ZRANB1: variants seen among roughly 807,000 people sequenced by gnomAD.
ZRANB1 encodes the protein ubiquitin thioesterase ZRANB1.
ZRANB1 carries 16 observed loss-of-function variants against 80.5 expected under a neutral mutation model. The observed-to-expected ratio is 0.20, with a 90% CI of 0.13 to 0.30. ZRANB1 has a LOEUF of 0.30. ZRANB1 is among the 10% of genes least tolerant of loss of function. ZRANB1 has a pLI of 1.00. For missense variants in ZRANB1, 576 were observed against 862.6 expected (o/e 0.67, Z 4.16); for synonymous variants, 291 against 293.1 (o/e 0.99, Z 0.07).
intron 1 of ZRANB1, among the ~76,000 whole-genome samples, chr10:124,951,441 A>C (rs1219047686): frequency 6.6e-6 from 1 of 152,242 alleles, no homozygotes; most frequent in African/African-American, 2.4e-5. Flanking sequence ...ACGGAAAAGG[A>C]AATCCTTGCA....
At chr10:124,963,035 G>C (rs1455493963) in intron 1 of ZRANB1, among the ~76,000 whole-genome samples, 1 of 152,162 alleles carries the variant, frequency 6.6e-6, no homozygotes, top group Non-Finnish European at 1.5e-5. Flanking sequence ...GGAGGCCGAG[G>C]TGGGTGGATC....
upstream of ZRANB1, among the ~76,000 whole-genome samples, chr10:124,940,730 C>G (rs1951527905): frequency 6.6e-6 from 1 of 151,948 alleles, no homozygotes; most frequent in Admixed American, 6.6e-5. Flanking sequence ...AATCCTAGCA[C>G]TTTGGGAGGT....
the ZRANB1 span, among the ~76,000 whole-genome samples, chr10:124,932,875 CA>C: frequency 1.3e-5 from 2 of 152,110 alleles, no homozygotes; most frequent in East Asian, 3.9e-4. Flanking sequence ...AAAAGATGTT[CA>C]ACATCTTTTC....
chr10:124,949,362 G>A (rs1951611879), intron 1 of ZRANB1, among the ~76,000 whole-genome samples: 1 of 150,734 alleles, frequency 6.6e-6, no homozygotes, highest in Non-Finnish European at 1.5e-5. Context: ...GAAGGTATAG[G>A]GGGAAAAAAA....
intron 1 of ZRANB1, chr10:124,962,528 A>G: frequency 2.6e-6 from 1 of 386,872 alleles, no homozygotes; most frequent in Non-Finnish European, 3.5e-6. Context: ...TATGGGGGAA[A>G]AAATAAGTCT....
At chr10:124,973,257 A>G (rs761193768) in intron 3 of ZRANB1, among the ~76,000 whole-genome samples, 10 of 152,102 alleles carry the variant, frequency 6.6e-5, no homozygotes, top group Non-Finnish European at 1.3e-4. Context: ...AGGCTCAAAC[A>G]GTTCTCTCAC....
Position 124,985,050 on chromosome 10 carries a change from A to G in ZRANB1, c.*58A>G. 1 of 1,350,456 alleles carries G rather than the reference A, an allele frequency of 7.4e-7. No individual in the cohort carries two copies. Among genetic ancestry groups the G allele is most frequent in the Non-Finnish European group, 1.0e-6 (1 of 968,716 alleles). The allele number at this position is 1,350,456 out of a possible 1,614,324, so 83.7% of individuals were successfully genotyped here. A position where few individuals can be genotyped will look rare whatever the true frequency, so the allele number is the denominator to read the frequency against. ...TCAGATCTGTAATGACCCTAAAGTT[A>G]GTGTGGTGCTCCAAGCAGAGTCGAC... On this transcript the variant is annotated 3_prime_UTR_variant, in exon 9 of 9. Transcript: ENST00000359653.
chr10:124,932,998 T>G, the ZRANB1 span, among the ~76,000 whole-genome samples: 86 of 152,364 alleles, frequency 5.6e-4, no homozygotes, highest in African/African-American at 2.0e-3. Flanking sequence ...TCTTCGTGTA[T>G]TTTGGATAAT....
the ZRANB1 span, among the ~76,000 whole-genome samples, chr10:124,922,771 G>A: frequency 6.6e-6 from 1 of 152,080 alleles, no homozygotes; most frequent in East Asian, 1.9e-4. Flanking sequence ...GATTACAGGC[G>A]TGAGCCACTG....
Position 124,983,718 on chromosome 10 carries a change from A to G in ZRANB1, c.1908+30A>G, listed in dbSNP as rs1359821607. On this transcript the variant is annotated intron_variant, in intron 8 of 8. Transcript: ENST00000359653. This position sits in a 1 kb window ranked among gnomAD's most constrained non-coding sequence, Gnocchi z 6.2. ...GCAGTTTCTCCTATGAACTATTTCT[A>G]GTAGTGACCTTGTACCAGAAACAGC... 6.6e-7 allele frequency: 1 copy of G among 1,511,836 alleles called. No individual in the cohort carries two copies. The highest frequency in any genetic ancestry group is 1.4e-5 in the African/African-American group (1 of 72,462). 93.7% of individuals were successfully genotyped at this position (1,511,836 alleles called of 1,614,324 possible).
At chr10:124,930,546 A>G in the ZRANB1 span, among the ~76,000 whole-genome samples, 1 of 152,180 alleles carries the variant, frequency 6.6e-6, no homozygotes, top group Non-Finnish European at 1.5e-5. Flanking sequence ...GATTACAGGC[A>G]TGAGCCACGG....
the ZRANB1 span, among the ~76,000 whole-genome samples, chr10:124,922,225 A>C: frequency 6.8e-6 from 1 of 146,784 alleles, no homozygotes; most frequent in Admixed American, 6.9e-5. Flanking sequence ...GATTATTGGC[A>C]TGAACCCCTG....
At chr10:124,938,555 G>C (rs963445563), upstream of ZRANB1, among the ~76,000 whole-genome samples, 2 of 151,944 alleles carry the variant, frequency 1.3e-5, no homozygotes, top group African/African-American at 4.8e-5. Flanking sequence ...TCGAACTCTT[G>C]GATTCAAGCA....
chr10:124,928,359 G>T, the ZRANB1 span, among the ~76,000 whole-genome samples: 1 of 152,200 alleles, frequency 6.6e-6, no homozygotes, highest in East Asian at 1.9e-4. Flanking sequence ...AATTAGAAGG[G>T]AGGAGTGATC....
chr10:124,954,499 G>A (rs963225774), intron 1 of ZRANB1, among the ~76,000 whole-genome samples: 1 of 148,500 alleles, frequency 6.7e-6, no homozygotes, highest in African/African-American at 2.5e-5. Context: ...CCAGGCTGGA[G>A]TGTAGTGGTG....
At chr10:124,927,723 G>A in the ZRANB1 span, among the ~76,000 whole-genome samples, 1 of 152,322 alleles carries the variant, frequency 6.6e-6, no homozygotes, top group African/African-American at 2.4e-5. Flanking sequence ...TATTTTAGAA[G>A]TTTGTTTTGA....
chr10:124,935,606 C>T, the ZRANB1 span, among the ~76,000 whole-genome samples: 6 of 152,256 alleles, frequency 3.9e-5, no homozygotes, highest in Non-Finnish European at 8.8e-5. Flanking sequence ...TGTGGCTTGA[C>T]ACCTAGTTTA....
the ZRANB1 span, among the ~76,000 whole-genome samples, chr10:124,927,190 C>T: frequency 2.0e-5 from 3 of 152,116 alleles, no homozygotes; most frequent in Non-Finnish European, 4.4e-5. Context: ...CTCCTGATCT[C>T]GTGATCCGCC....
intron 6 of ZRANB1, among the ~76,000 whole-genome samples, chr10:124,982,076 G>C (rs78101066): frequency 1.3e-3 from 1 of 770 alleles, no homozygotes; most frequent in Non-Finnish European, 0.013. Context: ...GAAGAGTAAC[G>C]TGTTTTTATA....
Sources: allele counts gnomAD v4.1 joint callset (sites outside exome capture counted in the v4.1 genomes callset), GRCh38; gene constraint gnomAD v4.1.1; non-coding constraint Gnocchi (gnomAD v3.1); transcripts MANE v1.5; gene names NCBI Gene and HGNC (gene_info 2026-07-23, HGNC 2026-07-21).